B3GALT1: variants seen among roughly 807,000 people sequenced by gnomAD.
The protein encoded by B3GALT1 is beta-1,3-galactosyltransferase 1, also known as UDP-Gal:betaGlcNAc beta 1,3-galactosyltransferase, polypeptide 1.
In B3GALT1, 10 loss-of-function variants were observed where a neutral mutation model predicts 23.2. The observed-to-expected ratio is 0.43, with a 90% CI of 0.27 to 0.73. The LOEUF (loss-of-function observed/expected upper bound fraction) is 0.73. B3GALT1 is among the 30% of genes least tolerant of loss of function. The pLI, the probability that B3GALT1 is intolerant of heterozygous loss-of-function variation, is 0.21. For synonymous variants in B3GALT1, 156 were observed against 141.5 expected, an observed-to-expected ratio of 1.10 and a Z score of -0.73; for missense variants, 299 against 405.4, an observed-to-expected ratio of 0.74 and a Z score of 2.25.
intron 2 of B3GALT1, among the ~76,000 whole-genome samples, chr2:167,577,522 C>G (rs1684407628): frequency 6.6e-6 from 1 of 151,726 alleles, no homozygotes; most frequent in African/African-American, 2.4e-5. Flanking sequence ...GAATGATAGA[C>G]AATAAGGCAT....
chr2:167,863,734 T>A (rs1270091699), intron 4 of B3GALT1, among the ~76,000 whole-genome samples: 2 of 152,220 alleles, frequency 1.3e-5, no homozygotes, highest in Admixed American at 1.3e-4. Context: ...AGAAATCTGT[T>A]TGGTTATAAG....
chr2:167,431,765 T>C (rs967792238), intron 1 of B3GALT1, among the ~76,000 whole-genome samples: 47 of 152,210 alleles, frequency 3.1e-4, no homozygotes, highest in Admixed American at 3.0e-3. Context: ...CCACTTAAAA[T>C]TATTACCTGA....
intron 3 of B3GALT1, among the ~76,000 whole-genome samples, chr2:167,779,462 G>T (rs1223818642): frequency 1.3e-5 from 2 of 152,114 alleles, no homozygotes; most frequent in Non-Finnish European, 2.9e-5. Context: ...ACTGTAATAT[G>T]GCTCTGACTT....
chr2:167,465,483 G>T (rs2105327848), intron 1 of B3GALT1, among the ~76,000 whole-genome samples: 1 of 152,242 alleles, frequency 6.6e-6, no homozygotes, highest in Middle Eastern at 3.4e-3. Flanking sequence ...TTCAAAGATG[G>T]TGCTTTGTTG....
Position 167,303,682 on chromosome 2 carries a change from C to CACACACAG in B3GALT1, c.-511+10349_-511+10350insCACACAGA, listed in dbSNP as rs535369991. 1.3e-3 allele frequency among the ~76,000 whole-genome samples: 188 copies of CACACACAG among 148,826 alleles called. 9 individuals are homozygous for CACACACAG. The East Asian group carries it at 0.032, about 25-fold the overall frequency. The stretch of plus-strand genomic sequence containing the variant: ...ACACACACACACACACACACACACA[C>CACACACAG]AGAGAGAGACCTTGTTGCTGCCATT... On this transcript the variant is annotated intron_variant, in intron 1 of 4. Transcript: ENST00000392690.
At chr2:167,355,300 A>C (rs879841831) in intron 1 of B3GALT1, among the ~76,000 whole-genome samples, 2 of 152,234 alleles carry the variant, frequency 1.3e-5, no homozygotes, top group Non-Finnish European at 2.9e-5. Flanking sequence ...TCTAAAAGTG[A>C]GCTAACTTTC....
At chr2:167,645,909 C>A (rs760820517) in intron 2 of B3GALT1, among the ~76,000 whole-genome samples, 1 of 151,854 alleles carries the variant, frequency 6.6e-6, no homozygotes, top group Non-Finnish European at 1.5e-5. Flanking sequence ...TGGGTGATTG[C>A]GGTGTTTGTA....
chr2:167,488,554 A>C (rs542231236), intron 1 of B3GALT1, among the ~76,000 whole-genome samples: 1 of 152,206 alleles, frequency 6.6e-6, no homozygotes, highest in Admixed American at 6.5e-5. Context: ...TCATACCAAA[A>C]CTTGAGAAGC....
intron 1 of B3GALT1, among the ~76,000 whole-genome samples, chr2:167,371,996 C>CA (rs1697693698): frequency 6.6e-6 from 1 of 151,110 alleles, no homozygotes; most frequent in African/African-American, 2.4e-5. Context: ...GTTAAAATTT[C>CA]AAAAAATATT....
intron 1 of B3GALT1, among the ~76,000 whole-genome samples, chr2:167,315,683 G>C (rs1433273350): frequency 6.6e-6 from 1 of 152,096 alleles, no homozygotes; most frequent in Non-Finnish European, 1.5e-5. Context: ...CAAGTACAGT[G>C]CCATTTAACT....
At chr2:167,366,771 T>G (rs563081117) in intron 1 of B3GALT1, among the ~76,000 whole-genome samples, 1 of 152,256 alleles carries the variant, frequency 6.6e-6, no homozygotes, top group Admixed American at 6.5e-5. Context: ...CACATGTGTA[T>G]GTCTGGCAAG....
At chr2:167,667,356 C>T (rs181851869) in intron 3 of B3GALT1, among the ~76,000 whole-genome samples, 64 of 152,196 alleles carry the variant, frequency 4.2e-4, no homozygotes, top group Non-Finnish European at 7.4e-4. Context: ...GAGGGTAACC[C>T]GACCTTTCTC....
intron 2 of B3GALT1, among the ~76,000 whole-genome samples, chr2:167,512,522 ATATG>A (rs565429651): frequency 6.9e-4 from 99 of 142,600 alleles, no homozygotes; most frequent in Middle Eastern, 7.8e-3. Flanking sequence ...ATATACATAT[ATATG>A]TGTGTGTGTA....
intron 1 of B3GALT1, among the ~76,000 whole-genome samples, chr2:167,383,661 A>C (rs1027105782): frequency 1.3e-5 from 2 of 152,234 alleles, no homozygotes; most frequent in Non-Finnish European, 2.9e-5. Flanking sequence ...GAAATTATGA[A>C]ACATTATGAA....
intron 4 of B3GALT1, among the ~76,000 whole-genome samples, chr2:167,859,098 C>T (rs1017411108): frequency 2.0e-5 from 3 of 152,134 alleles, no homozygotes; most frequent in African/African-American, 7.2e-5. Flanking sequence ...TCTTTCCTCT[C>T]ATCCTCTTTC....
chr2:167,722,285 C>T (rs138359906), intron 3 of B3GALT1, among the ~76,000 whole-genome samples: 2 of 152,304 alleles, frequency 1.3e-5, no homozygotes, highest in Admixed American at 6.5e-5. Flanking sequence ...TAATACTTTA[C>T]GGACTGAATA....
chr2:167,685,370 G>A (rs1471919583), intron 3 of B3GALT1, among the ~76,000 whole-genome samples: 1 of 152,158 alleles, frequency 6.6e-6, no homozygotes, highest in Non-Finnish European at 1.5e-5. Flanking sequence ...TGGGATTATT[G>A]GTACATGCCA....
intron 3 of B3GALT1, among the ~76,000 whole-genome samples, chr2:167,810,961 C>G (rs1321991158): frequency 6.6e-6 from 1 of 152,116 alleles, no homozygotes; most frequent in African/African-American, 2.4e-5. Flanking sequence ...AATGGGCTGC[C>G]TAAACATCAG....
chr2:167,411,923 G>A (rs894574125), intron 1 of B3GALT1, among the ~76,000 whole-genome samples: 3 of 152,076 alleles, frequency 2.0e-5, no homozygotes, highest in African/African-American at 7.2e-5. Flanking sequence ...GGAACTGGAG[G>A]CCATTATATT....
Sources: allele counts gnomAD v4.1 joint callset (sites outside exome capture counted in the v4.1 genomes callset), GRCh38; gene constraint gnomAD v4.1.1; transcripts MANE v1.5; gene names NCBI Gene and HGNC (gene_info 2026-07-23, HGNC 2026-07-21).